The following DIAPH2 variants were observed in gnomAD, a reference collection of about 807,000 sequenced individuals.
The protein encoded by DIAPH2 is protein diaphanous homolog 2.
Under a neutral mutation model 92.7 loss-of-function variants are expected in DIAPH2, and 35 were observed. The ratio of observed to expected loss-of-function variants is 0.38; its 90% CI spans 0.29 to 0.50. The LOEUF (loss-of-function observed/expected upper bound fraction) is 0.50, where lower values mean the gene tolerates loss of function less well. Among genes scored for constraint, DIAPH2 ranks in the 20% least tolerant of loss-of-function variants. DIAPH2 has a pLI of 0.94. For missense variants in DIAPH2, 701 were observed against 819.5 expected, an observed-to-expected ratio of 0.86 and a Z score of 1.77; for synonymous variants, 301 against 280.4, an observed-to-expected ratio of 1.07 and a Z score of -0.73.
At chrX:97,576,083 T>A (rs753171907) in intron 26 of DIAPH2, among the ~76,000 whole-genome samples, 2 of 111,109 alleles carry the variant, frequency 1.8e-5, no homozygotes, top group Non-Finnish European at 3.8e-5. Flanking sequence ...GAGGCTGGGA[T>A]CTGGGGGCTG....
chrX:97,112,163 A>G (rs1032778388), intron 20 of DIAPH2, among the ~76,000 whole-genome samples: 1 of 111,858 alleles, frequency 8.9e-6, no homozygotes, highest in East Asian at 2.8e-4. Context: ...TTGCAGGCAC[A>G]TGATATTGGG....
chrX:97,386,062 T>A (rs1024931238), intron 25 of DIAPH2, among the ~76,000 whole-genome samples: 2 of 112,274 alleles, frequency 1.8e-5, no homozygotes, highest in African/African-American at 6.5e-5. Flanking sequence ...TCTTCTAAAG[T>A]AATATCCGTA....
intron 7 of DIAPH2, among the ~76,000 whole-genome samples, chrX:96,913,311 A>C (rs2065480955): frequency 9.0e-6 from 1 of 111,706 alleles, no homozygotes; most frequent in Admixed American, 9.5e-5. Flanking sequence ...ATGTGAACAG[A>C]GGTCTTTTTG....
At position 97,386,357 on chromosome X, in the gene DIAPH2, G is replaced by A. The variant is rs1051090043; in HGVS notation, c.3145+2313G>A. ...TTTATAGGAAGTTATCATTGAAAAG[G>A]TGAAGAAGTCAGTAGAAAAGTTCTG... On this transcript the variant is annotated intron_variant, in intron 25 of 26. Coordinates refer to ENST00000324765, the MANE Select transcript of DIAPH2 (RefSeq NM_006729.5). 2.7e-5 allele frequency among the ~76,000 whole-genome samples: 3 copies of A among 111,843 alleles called. No individual in the cohort carries two copies. In the Admixed American group the frequency reaches 2.8e-4, roughly 11 times the overall value.
At chrX:97,585,072 G>A (rs954305875) in intron 26 of DIAPH2, among the ~76,000 whole-genome samples, 5 of 111,604 alleles carry the variant, frequency 4.5e-5, no homozygotes, top group Admixed American at 2.8e-4. Flanking sequence ...TGGCTTTTAC[G>A]TAATATAAAA....
At chrX:97,000,429 A>T (rs1199463330) in intron 17 of DIAPH2, among the ~76,000 whole-genome samples, 1 of 111,985 alleles carries the variant, frequency 8.9e-6, no homozygotes, top group Non-Finnish European at 1.9e-5. Context: ...GTGTTCATTC[A>T]TCTCTCTTGA....
chrX:97,137,265 T>TTATATATATATATA (rs748631722), intron 21 of DIAPH2, among the ~76,000 whole-genome samples: 1 of 30,080 alleles, frequency 3.3e-5, no homozygotes, highest in Non-Finnish European at 5.3e-5. Flanking sequence ...ATAAACGCAG[T>TTATATATATATATA]TATACATATA....
chrX:97,283,167 CATCT>C (rs1202463886), intron 23 of DIAPH2, among the ~76,000 whole-genome samples: 1 of 111,770 alleles, frequency 8.9e-6, no homozygotes, highest in Non-Finnish European at 1.9e-5. Context: ...ATCATTCTAT[CATCT>C]ATCTATCTAC....
chrX:96,686,152 A>G (rs1431786009), intron 1 of DIAPH2, among the ~76,000 whole-genome samples: 1 of 112,184 alleles, frequency 8.9e-6, no homozygotes, highest in Admixed American at 9.5e-5. Context: ...CCGAAGCACA[A>G]GCCACATGTT....
chrX:96,740,675 C>T lies in DIAPH2; in HGVS notation c.342+1913C>T, dbSNP rs181075673. Among the ~76,000 whole-genome samples the T allele has an allele frequency of 4.5e-5, 5 of 111,469 alleles. No homozygotes were observed. In the South Asian group the frequency reaches 1.9e-3, roughly 42 times the overall value. On this transcript the variant is annotated intron_variant, in intron 3 of 26. Coordinates refer to ENST00000324765, the MANE Select transcript of DIAPH2 (RefSeq NM_006729.5). ...CTCAGATGTCCTCCAGCTGTTCTTG[C>T]CCTACTTTAGATGATAACCCTCTCT... is the stretch of plus-strand genomic sequence containing the variant.
rs189775188 is a variant in DIAPH2, at chrX:96,760,842, A to G, written c.447+2584A>G. 7.2e-5 allele frequency among the ~76,000 whole-genome samples: 8 copies of G among 111,583 alleles called. No homozygotes were observed. In the East Asian group the frequency reaches 8.4e-4, roughly 12 times the overall value. On this transcript the variant is annotated intron_variant, in intron 4 of 26. Transcript: ENST00000324765. ...GAGAATGTTAAATTGTGTGAATGTTAAAGGAAAAAGTTTGAATAACTCTGT... is the reference window on the plus strand; with the variant it reads ...GAGAATGTTAAATTGTGTGAATGTTGAAGGAAAAAGTTTGAATAACTCTGT...
At chrX:97,542,930 CAA>C (rs775790057) in intron 26 of DIAPH2, among the ~76,000 whole-genome samples, 3 of 112,094 alleles carry the variant, frequency 2.7e-5, no homozygotes, top group South Asian at 7.5e-4. Flanking sequence ...ACCAACAAGA[CAA>C]GAGTAGAAAG....
At chrX:97,477,033 A>T (rs1462081036) in intron 26 of DIAPH2, among the ~76,000 whole-genome samples, 2 of 98,999 alleles carry the variant, frequency 2.0e-5, no homozygotes, top group African/African-American at 3.8e-5. Context: ...ACATACACAC[A>T]CACATCCTTT....
chrX:96,884,447 T>C, intron 5 of DIAPH2: 1 of 1,211,261 alleles, frequency 8.3e-7, no homozygotes, highest in Non-Finnish European at 1.1e-6. Flanking sequence ...ATTCAGGACG[T>C]TGTACCGTGT....
chrX:96,751,579 A>C (rs1300160108), intron 3 of DIAPH2, among the ~76,000 whole-genome samples: 1 of 100,644 alleles, frequency 9.9e-6, no homozygotes, highest in African/African-American at 3.5e-5. Flanking sequence ...CTGTCTCAAA[A>C]AAAATAATAA....
At chrX:97,256,823 C>T (rs1214776288) in intron 23 of DIAPH2, among the ~76,000 whole-genome samples, 1 of 110,934 alleles carries the variant, frequency 9.0e-6, no homozygotes, top group Non-Finnish European at 1.9e-5. Context: ...TACCAACATG[C>T]CTGGCTAATT....
chrX:97,186,049 C>G (rs753113353), intron 22 of DIAPH2, among the ~76,000 whole-genome samples: 2 of 110,486 alleles, frequency 1.8e-5, no homozygotes, highest in African/African-American at 3.3e-5. Context: ...TAGATTATCC[C>G]AAATCCCGGA....
At position 96,797,805 on chromosome X, in the gene DIAPH2, T is replaced by A. The variant is rs967074666; in HGVS notation, c.447+39547T>A. On this transcript the variant is annotated intron_variant, in intron 4 of 26. Transcript: ENST00000324765. The stretch of plus-strand genomic sequence containing the variant: ...AGTCACCAATCATTTTAAACTCTGT[T>A]CCCCTCTTTGTAACATGTCTGTCTT... Among the ~76,000 whole-genome samples, 5 of 112,901 alleles carry A rather than the reference T, an allele frequency of 4.4e-5. No individual in the cohort carries two copies. The Admixed American group carries it at 4.7e-4, about 11-fold the overall frequency.
intron 4 of DIAPH2, among the ~76,000 whole-genome samples, chrX:96,795,281 A>G (rs233665): frequency 0.43 from 47,552 of 110,334 alleles, 9,011 homozygotes; most frequent in African/African-American, 0.75. Flanking sequence ...GTAATAAAAA[A>G]ATTTGAGGGA....
Sources: gnomAD v4.1 joint callset for allele counts (sites outside exome capture counted in the v4.1 genomes callset) on GRCh38, gnomAD v4.1.1 for gene constraint, MANE v1.5 for transcripts, NCBI Gene and HGNC (gene_info 2026-07-23, HGNC 2026-07-21) for gene names.